RNF152: variants seen among roughly 807,000 people sequenced by gnomAD.
RNF152 encodes the protein ring finger protein 152, also known as E3 ubiquitin-protein ligase RNF152.
In RNF152, 11 loss-of-function variants were observed where a neutral mutation model predicts 12.7. The observed-to-expected ratio is 0.86, with a 90% CI of 0.54 to 1.43. The LOEUF is 1.43. RNF152 is among the 40% of genes most tolerant of loss of function. RNF152 has a pLI of 0.00. For missense variants in RNF152, 255 were observed against 274.8 expected (o/e 0.93, Z 0.51); for synonymous variants, 113 against 120.3 (o/e 0.94, Z 0.40).
At chr18:61,824,570 G>C (rs2144633217) in intron 1 of RNF152, among the ~76,000 whole-genome samples, 1 of 152,324 alleles carries the variant, frequency 6.6e-6, no homozygotes, top group Admixed American at 6.5e-5. Flanking sequence ...CATCTAGCTA[G>C]AGCCCATATC....
intron 1 of RNF152, among the ~76,000 whole-genome samples, chr18:61,837,644 T>C (rs934341528): frequency 6.6e-6 from 1 of 152,204 alleles, no homozygotes; most frequent in African/African-American, 2.4e-5. Flanking sequence ...ACTTGCTCAG[T>C]TGTTCTTTTT....
intron 1 of RNF152, among the ~76,000 whole-genome samples, chr18:61,853,642 G>A (rs879710448): frequency 6.6e-6 from 1 of 152,034 alleles, no homozygotes; most frequent in Non-Finnish European, 1.5e-5. Flanking sequence ...CCCAGCTCAT[G>A]AGCCCTTTCC....
At chr18:61,824,299 G>A (rs768986993) in intron 1 of RNF152, among the ~76,000 whole-genome samples, 3 of 152,178 alleles carry the variant, frequency 2.0e-5, no homozygotes, top group Non-Finnish European at 2.9e-5. Context: ...TGACAAATGA[G>A]GACTCTGGAT....
chr18:61,816,636 TC>T, intron 1 of RNF152, 38 bp from the exon 2 acceptor site: 1 of 669,176 alleles, frequency 1.5e-6, no homozygotes, highest in South Asian at 2.3e-5. Context: ...CTTAATTATT[TC>T]AAAGAAGTTG....
Position 61,842,633 on chromosome 18 carries a change from G to A in RNF152, c.-135-26035C>T, listed in dbSNP as rs555441491. ...TTCCTGTGTATTAGTCTATTTTTGC[G>A]CTGCTGATAAAGACACACCTGAGAC... On this transcript the variant is annotated intron_variant, in intron 1 of 1. Transcript: ENST00000312828. Among the ~76,000 whole-genome samples, 49 of 152,218 alleles carry A rather than the reference G, an allele frequency of 3.2e-4. No individual in the cohort carries two copies. In the South Asian group the frequency reaches 9.1e-3, roughly 28 times the overall value.
chr18:61,849,021 G>C (rs529926906), intron 1 of RNF152, among the ~76,000 whole-genome samples: 2 of 152,332 alleles, frequency 1.3e-5, no homozygotes, highest in East Asian at 1.9e-4. Flanking sequence ...AGCCTGGAGA[G>C]GGCCTTCGAG....
At chr18:61,864,535 G>C (rs995854142) in intron 1 of RNF152, among the ~76,000 whole-genome samples, 1 of 152,304 alleles carries the variant, frequency 6.6e-6, no homozygotes, top group Middle Eastern at 3.4e-3. Context: ...TTAGGGGTTT[G>C]ATGGAGGCTT....
At chr18:61,882,281 G>A (rs959435809) in intron 1 of RNF152, among the ~76,000 whole-genome samples, 17 of 152,348 alleles carry the variant, frequency 1.1e-4, no homozygotes, top group African/African-American at 3.8e-4. Flanking sequence ...ATTTAGCACT[G>A]TGTGTGTAAA....
At chr18:61,869,091 G>A (rs1911869992) in intron 1 of RNF152, among the ~76,000 whole-genome samples, 2 of 152,116 alleles carry the variant, frequency 1.3e-5, no homozygotes, top group Admixed American at 6.5e-5. Flanking sequence ...AGGTAATCTC[G>A]ATTGTTATAT....
At chr18:61,880,852 C>T (rs927450520) in intron 1 of RNF152, among the ~76,000 whole-genome samples, 11 of 151,928 alleles carry the variant, frequency 7.2e-5, no homozygotes, top group African/African-American at 2.7e-4. Flanking sequence ...ATTCTTTACC[C>T]TTATTCTTCT....
rs1288411488 is a variant in RNF152, at chr18:61,813,440, G to T, written c.*2412C>A. The stretch of plus-strand genomic sequence containing the variant: ...CAAAAAAAATCTGATTTTGGTTGTT[G>T]TTGTTAAATTTAAGGTCAAGAATCT... On this transcript the variant is annotated 3_prime_UTR_variant, in exon 2 of 2. Coordinates refer to ENST00000312828, the MANE Select transcript of RNF152 (RefSeq NM_173557.3). 1 of 152,138 alleles carries T rather than the reference G, an allele frequency of 6.6e-6. No individual in the cohort carries two copies. Among genetic ancestry groups the T allele is most frequent in the Non-Finnish European group, 1.5e-5 (1 of 68,016 alleles). The allele number at this position is 152,138 out of a possible 1,614,324, so 9.4% of individuals were successfully genotyped here.
At chr18:61,831,536 C>G (rs1023147250) in intron 1 of RNF152, among the ~76,000 whole-genome samples, 1 of 152,048 alleles carries the variant, frequency 6.6e-6, no homozygotes. Flanking sequence ...TTCTAAGGAG[C>G]CAGGAACTGA....
Position 61,816,334 on chromosome 18 carries a change from T to A in RNF152, c.130A>T (p.Thr44Ser), listed in dbSNP as rs761168934. The change falls in exon 2 of 2, where the codon ACC (threonine) becomes TCC (serine). Residue 44 changes from threonine (T) to serine (S), a missense_variant. Thr to Ser is a moderately conservative substitution (Grantham distance 58, BLOSUM62 1). Transcript: ENST00000312828. ...GGGCACCGCACATCCTTCTGGCTGG[T>A]CCTCATCTGCTGCAGGCACACTGAA... Reference protein sequence around the residue: ...CCSVCLQQMRTSQKDVRCPWC... With the variant: ...CCSVCLQQMRSSQKDVRCPWC... The A allele has an allele frequency of 6.2e-7, 1 of 1,614,176 alleles. No individual in the cohort carries two copies. The highest frequency in any genetic ancestry group is 1.1e-5 in the South Asian group (1 of 91,082).
chr18:61,817,698 A>G (rs1034090983), intron 1 of RNF152, among the ~76,000 whole-genome samples: 1 of 151,772 alleles, frequency 6.6e-6, no homozygotes, highest in South Asian at 2.1e-4. Flanking sequence ...CAAATATTCT[A>G]TAGTTAAAGG....
intron 1 of RNF152, among the ~76,000 whole-genome samples, chr18:61,854,916 C>T (rs975092874): frequency 1.3e-5 from 2 of 152,204 alleles, no homozygotes; most frequent in Non-Finnish European, 2.9e-5. Flanking sequence ...CAGCAAGTTA[C>T]ATGATTTTCC....
At chr18:61,855,519 C>T (rs1181145761) in intron 1 of RNF152, among the ~76,000 whole-genome samples, 1 of 152,224 alleles carries the variant, frequency 6.6e-6, no homozygotes. Flanking sequence ...TGGGTGCCAC[C>T]GTGTTCTCAT....
Position 61,816,229 on chromosome 18 carries a change from T to C in RNF152, c.235A>G (p.Ile79Val), listed in dbSNP as rs766044174. 9 of 1,614,206 alleles carry C rather than the reference T, an allele frequency of 5.6e-6. No homozygotes were observed. In the South Asian group the frequency reaches 9.9e-5, roughly 18 times the overall value. ...TGTTCGGAAGTGTGTGGAATGGCGA[T>C]GACAGCCAGGACCTCCGGGTCGTCC... ...LPDDPEVLAV[I>V]AIPHTSEHTP... is the part of the protein sequence containing the mutation. Residue 79 changes from isoleucine (I) to valine (V), a missense_variant, in exon 2 of 2, where the codon ATC (isoleucine) becomes GTC (valine). By Grantham distance (29) the Ile-to-Val change is conservative. Coordinates refer to ENST00000312828, the MANE Select transcript of RNF152 (RefSeq NM_173557.3).
At chr18:61,830,825 AG>A (rs1156471308) in intron 1 of RNF152, among the ~76,000 whole-genome samples, 2 of 152,148 alleles carry the variant, frequency 1.3e-5, no homozygotes, top group Non-Finnish European at 2.9e-5. Flanking sequence ...AGCATTTTTG[AG>A]GGGTACAGCT....
intron 1 of RNF152, among the ~76,000 whole-genome samples, chr18:61,834,838 A>G (rs1204565204): frequency 6.6e-6 from 1 of 152,198 alleles, no homozygotes; most frequent in East Asian, 1.9e-4. Context: ...AGGTAACTAA[A>G]CTTAGATGTT....
Sources: allele counts gnomAD v4.1 joint callset (sites outside exome capture counted in the v4.1 genomes callset), GRCh38; gene constraint gnomAD v4.1.1; transcripts MANE v1.5; gene names NCBI Gene and HGNC (gene_info 2026-07-23, HGNC 2026-07-21).